PKM: variants seen among roughly 807,000 people sequenced by gnomAD.
The protein encoded by PKM is pyruvate kinase M1/2, also known as pyruvate kinase PKM.
In PKM, 18 loss-of-function variants were observed where a neutral mutation model predicts 49.8. The ratio of observed to expected loss-of-function variants is 0.36; its 90% CI spans 0.25 to 0.54. PKM has a LOEUF of 0.54. Ranked by LOEUF, PKM falls within the 20% of genes least tolerant of loss-of-function variation. The pLI, the probability that PKM is intolerant of heterozygous loss-of-function variation, is 0.89. For missense variants in PKM, 508 were observed against 713.8 expected (o/e 0.71, Z 3.28); for synonymous variants, 239 against 261.8 (o/e 0.91, Z 0.84).
intron 8 of PKM, chr15:72,204,569 G>A (rs564177961): frequency 4.6e-5 from 7 of 152,240 alleles, no homozygotes; most frequent in African/African-American, 1.7e-4. Flanking sequence ...TTCAAACCCA[G>A]GCTTTATTGG....
intron 3 of PKM, among the ~76,000 whole-genome samples, chr15:72,214,992 A>G (rs2082342734): frequency 6.6e-6 from 1 of 151,788 alleles, no homozygotes. Context: ...TGAGGTCACA[A>G]GTTCAAGACC....
rs765134093 is a variant in PKM at position 72,200,655 on chromosome 15, C to G, written c.1308G>C (p.Arg436Ser). The G allele has an allele frequency of 6.2e-7, 1 of 1,611,178 alleles. No individual in the cohort carries two copies. Among genetic ancestry groups the G allele is most frequent in the Non-Finnish European group, 8.5e-7 (1 of 1,178,006 alleles). Residue 436 changes from arginine (R) to serine (S), a missense_variant and splice_region_variant, in exon 10 of 11, where the codon AGG (arginine) becomes AGC (serine). Physicochemically the swap from Arg to Ser is moderately radical, Grantham distance 110. Coordinates refer to ENST00000335181, the MANE Select transcript of PKM (RefSeq NM_002654.6). The surrounding 1 kb of genome is among the most constrained non-coding windows in gnomAD (Gnocchi z 4.6). ...GAIIVLTKSGRSAHQVARYRP... is the reference protein window; with the variant it reads ...GAIIVLTKSGSSAHQVARYRP... The stretch of plus-strand genomic sequence containing the variant: ...GGTATCTGGCCACCTGGTGAGCAGA[C>G]CTGAGATGGGATGGGGGACATACAG...
intron 3 of PKM, among the ~76,000 whole-genome samples, chr15:72,216,991 G>A (rs987986718): frequency 1.3e-5 from 2 of 152,206 alleles, no homozygotes; most frequent in African/African-American, 4.8e-5. Flanking sequence ...GACCTGCCCA[G>A]TTATTTTGGT....
intron 3 of PKM, among the ~76,000 whole-genome samples, chr15:72,213,597 A>AT (rs1310564757): frequency 1.3e-5 from 2 of 152,002 alleles, no homozygotes; most frequent in Non-Finnish European, 2.9e-5. Context: ...TGCCCAGCCA[A>AT]TTTTTGTATT....
At chr15:72,218,419 C>T (rs2082429529) in intron 2 of PKM, among the ~76,000 whole-genome samples, 2 of 151,898 alleles carry the variant, frequency 1.3e-5, no homozygotes, top group Non-Finnish European at 2.9e-5. Context: ...TGCCACTGCG[C>T]CCGGACAATT....
intron 3 of PKM, among the ~76,000 whole-genome samples, chr15:72,213,536 T>C (rs1407916108): frequency 6.6e-6 from 1 of 152,192 alleles, no homozygotes; most frequent in Non-Finnish European, 1.5e-5. Flanking sequence ...GTTCAAGCGA[T>C]TCTCCTGCCT....
chr15:72,205,532 A>C (rs189159420), intron 8 of PKM, among the ~76,000 whole-genome samples: 1 of 152,240 alleles, frequency 6.6e-6, no homozygotes, highest in Non-Finnish European at 1.5e-5. Flanking sequence ...TTTAATAGAA[A>C]TGACATCTCT....
intron 10 of PKM, 116 bp from the exon 11 acceptor site, chr15:72,199,872 A>G (rs1251969509): frequency 1.4e-6 from 1 of 727,686 alleles, no homozygotes; most frequent in East Asian, 2.7e-5. Flanking sequence ...ACTTCCTCAC[A>G]CCACAAGGTG....
rs1335288398 is a variant in PKM at position 72,200,831 on chromosome 15, C to T, written c.1308-176G>A. On this transcript the variant is annotated intron_variant, in intron 9 of 10. Transcript: ENST00000335181. This position sits in a 1 kb window ranked among gnomAD's most constrained non-coding sequence, Gnocchi z 4.6. ...GGGCAGCCCCTCATCCTATATCCCC[C>T]ACAGCATGCTAGGTTACCATTTGCC... The T allele has an allele frequency of 3.4e-6, 2 of 596,140 alleles. No homozygotes were observed. The highest frequency in any genetic ancestry group is 5.6e-5 in the East Asian group (2 of 35,860). The allele number at this position is 596,140 out of a possible 1,614,324, so 36.9% of individuals were successfully genotyped here.
intron 8 of PKM, chr15:72,203,665 G>A (rs886934857): frequency 1.6e-5 from 3 of 186,836 alleles, no homozygotes; most frequent in African/African-American, 4.7e-5. Context: ...TCAGGCACGG[G>A]GATGCACTGA....
At chr15:72,208,542 G>A in intron 6 of PKM, 79 bp downstream of exon 6, 1 of 1,480,414 alleles carries the variant, frequency 6.8e-7, no homozygotes, top group East Asian at 2.3e-5. Context: ...GCTAGGGGCT[G>A]GGAATCAGAC....
intron 3 of PKM, among the ~76,000 whole-genome samples, chr15:72,213,830 T>C (rs947614131): frequency 7.2e-5 from 11 of 152,256 alleles, no homozygotes; most frequent in Non-Finnish European, 1.3e-4. Context: ...TCTCTCTATA[T>C]AGGAATTAAG....
chr15:72,199,285 AC>A lies in PKM; in HGVS notation c.*364del, dbSNP rs1481033361. 5.1e-6 allele frequency: 2 copies of A among 395,408 alleles called. No individual in the cohort carries two copies. The highest frequency in any genetic ancestry group is 1.3e-4 in the East Asian group (2 of 15,808). 24.5% of individuals were successfully genotyped at this position (395,408 alleles called of 1,614,324 possible). A position where few individuals can be genotyped will look rare whatever the true frequency, so the allele number is the denominator to read the frequency against. On this transcript the variant is annotated 3_prime_UTR_variant, in exon 11 of 11. Coordinates refer to ENST00000335181, the MANE Select transcript of PKM (RefSeq NM_002654.6). ...CCTAACTCTTGCTGGCTGTTTCTTGACCCCAAGCCAGGGTTGGGAGTCCTCT... is the reference window on the plus strand; with the variant it reads ...CCTAACTCTTGCTGGCTGTTTCTTGACCCAAGCCAGGGTTGGGAGTCCTCT...
chr15:72,213,199 A>C (rs1330156019), intron 3 of PKM, among the ~76,000 whole-genome samples: 1 of 152,100 alleles, frequency 6.6e-6, no homozygotes, highest in African/African-American at 2.4e-5. Flanking sequence ...CTGGATTTGG[A>C]TTATTAAATT....
In PKM at chr15:72,207,237, C is replaced by A. The variant is rs761600253; in HGVS notation, c.877G>T (p.Ala293Ser). The change falls in exon 7 of 11, where the codon GCT (alanine) becomes TCT (serine). Residue 293 changes from alanine to serine, a missense_variant. By Grantham distance (99) the Ala-to-Ser change is moderately conservative (BLOSUM62 1). Coordinates refer to ENST00000335181, the MANE Select transcript of PKM (RefSeq NM_002654.6). Reference protein sequence around the residue: ...ILEASDGIMVARGDLGIEIPA... With the variant: ...ILEASDGIMVSRGDLGIEIPA... ...ATCTCAATGCCTAGATCACCACGAG[C>A]CACCATGATCCCATCACTGGCCTCC... 6.2e-7 allele frequency: 1 copy of A among 1,614,122 alleles called. No individual in the cohort carries two copies. Among genetic ancestry groups the A allele is most frequent in the Non-Finnish European group, 8.5e-7 (1 of 1,179,964 alleles).
chr15:72,205,728 C>T (rs2082060654), intron 8 of PKM, among the ~76,000 whole-genome samples: 1 of 149,058 alleles, frequency 6.7e-6, no homozygotes, highest in Non-Finnish European at 1.5e-5. Flanking sequence ...GGGTCTTTCA[C>T]TGGCTAGAAA....
At chr15:72,214,803 T>C (rs1242418302) in intron 3 of PKM, among the ~76,000 whole-genome samples, 2 of 136,904 alleles carry the variant, frequency 1.5e-5, no homozygotes, top group Non-Finnish European at 3.1e-5. Context: ...TCTAAATAAA[T>C]AAATAAATAA....
chr15:72,231,066 GCGACT>G, intron 1 of PKM, 45 bp downstream of exon 1: 1 of 735,702 alleles, frequency 1.4e-6, no homozygotes, highest in South Asian at 1.5e-5. Flanking sequence ...CACTAGCCGG[GCGACT>G]GGCCCTTGGT....
At chr15:72,218,239 C>T (rs2082423509) in intron 2 of PKM, among the ~76,000 whole-genome samples, 1 of 152,014 alleles carries the variant, frequency 6.6e-6, no homozygotes, top group African/African-American at 2.4e-5. Flanking sequence ...ATTCTCCTGC[C>T]TCAGCCTCCC....
Sources: allele counts gnomAD v4.1 joint callset (sites outside exome capture counted in the v4.1 genomes callset), GRCh38; gene constraint gnomAD v4.1.1; non-coding constraint Gnocchi (gnomAD v3.1); transcripts MANE v1.5; gene names NCBI Gene and HGNC (gene_info 2026-07-23, HGNC 2026-07-21).